The following GNAS-AS1 variants were observed in gnomAD, a reference collection of about 807,000 sequenced individuals.
GNAS-AS1 encodes GNAS antisense RNA 1 (non-protein coding).
chr20:58,825,957 C>A, intron 4 of GNAS-AS1: 1 of 397,518 alleles, frequency 2.5e-6, no homozygotes, highest in South Asian at 1.3e-4. Flanking sequence ...GTCTCTCAAT[C>A]AGCAGCCCCA....
In GNAS-AS1 at chr20:58,840,453, A is replaced by G; in HGVS notation, n.819+1484T>C. On this transcript the variant is annotated intron_variant and non_coding_transcript_variant, in intron 4 of 4. Transcript: ENST00000424094. This position sits in a 1 kb window ranked among gnomAD's most constrained non-coding sequence, Gnocchi z 6.0. ...GACTACGAGACCGAGAGCGAGACCG[A>G]GTCCGAAATCGAGTCCGAGACCGAC... 1 of 1,613,450 alleles carries G rather than the reference A, an allele frequency of 6.2e-7. No individual in the cohort carries two copies. Among genetic ancestry groups the G allele is most frequent in the African/African-American group, 1.3e-5 (1 of 75,036 alleles).
At chr20:58,829,071 C>G (rs995084810) in intron 4 of GNAS-AS1, among the ~76,000 whole-genome samples, 1 of 152,196 alleles carries the variant, frequency 6.6e-6, no homozygotes, top group Non-Finnish European at 1.5e-5. Context: ...CCCCACCACC[C>G]CACTCAACAT....
chr20:58,830,824 T>A (rs1600646652), intron 4 of GNAS-AS1, among the ~76,000 whole-genome samples: 1 of 151,708 alleles, frequency 6.6e-6, no homozygotes, highest in African/African-American at 2.4e-5. Flanking sequence ...TGATCCCAAA[T>A]CTGGCTTCTG....
At chr20:58,826,863 C>CTTTGTTTTTTTTTTTTTT (rs2085524123) in intron 4 of GNAS-AS1, 1 of 85,756 alleles carries the variant, frequency 1.2e-5, no homozygotes, top group Non-Finnish European at 2.2e-5. Flanking sequence ...CCATGCCTGG[C>CTTTGTTTTTTTTTTTTTT]TTTTTTTTTT....
At chr20:58,845,617 A>C (rs2085914870) in intron 2 of GNAS-AS1, among the ~76,000 whole-genome samples, 1 of 151,778 alleles carries the variant, frequency 6.6e-6, no homozygotes, top group African/African-American at 2.4e-5. Context: ...CTTACATATC[A>C]AAAGGCCATA....
chr20:58,848,855 G>C, intron 2 of GNAS-AS1: 1 of 398,484 alleles, frequency 2.5e-6, no homozygotes, highest in Non-Finnish European at 4.4e-6. Context: ...CATTACTGAT[G>C]TTTCAGCTCT....
At chr20:58,825,751 C>A (rs1351629235) in intron 4 of GNAS-AS1, among the ~76,000 whole-genome samples, 2 of 152,160 alleles carry the variant, frequency 1.3e-5, no homozygotes, top group Non-Finnish European at 2.9e-5. Context: ...GTAGTCTCTG[C>A]CAACAAAGGC....
chr20:58,836,773 T>C (rs1011379177), intron 4 of GNAS-AS1, among the ~76,000 whole-genome samples: 1 of 152,206 alleles, frequency 6.6e-6, no homozygotes, highest in Non-Finnish European at 1.5e-5. Context: ...GGCATCTCAG[T>C]GCAGTCCCCC....
chr20:58,843,464 C>A lies in GNAS-AS1; in HGVS notation n.414-919G>T. 1.3e-5 allele frequency: 2 copies of A among 152,440 alleles called. 1 individual carries two copies. Among genetic ancestry groups the A allele is most frequent in the Non-Finnish European group, 2.9e-5 (2 of 68,140 alleles). The allele number at this position is 152,440 out of a possible 1,614,324, so 9.4% of individuals were successfully genotyped here. A position where few individuals can be genotyped will look rare whatever the true frequency, so the allele number is the denominator to read the frequency against. On this transcript the variant is annotated intron_variant and non_coding_transcript_variant, in intron 2 of 4. Transcript: ENST00000424094. ...AACTTCCCCAAGCATTCCCAACTCA[C>A]TAGTCTCCCAGCTGGCCCTTTGCCC...
chr20:58,824,159 G>T (rs746151480), intron 4 of GNAS-AS1: 2 of 398,456 alleles, frequency 5.0e-6, no homozygotes, highest in Admixed American at 8.8e-5. Flanking sequence ...GTCCAAAACT[G>T]CCAGGGGTGA....
At chr20:58,823,279 G>A (rs537724519) in intron 4 of GNAS-AS1, among the ~76,000 whole-genome samples, 10 of 152,278 alleles carry the variant, frequency 6.6e-5, no homozygotes, top group East Asian at 1.9e-4. Context: ...ATGCCTGTGC[G>A]TCCAATAAAA....
chr20:58,850,805 C>G (rs1043785163), exon 1 of GNAS-AS1: 11 of 398,728 alleles, frequency 2.8e-5, no homozygotes, highest in African/African-American at 2.3e-4. Flanking sequence ...GCTAGCGGTC[C>G]TCGTGGTCTT....
At chr20:58,834,199 G>C (rs1359218349) in intron 4 of GNAS-AS1, 1 of 152,238 alleles carries the variant, frequency 6.6e-6, no homozygotes, top group Non-Finnish European at 1.5e-5. Flanking sequence ...AGGGCTAGGG[G>C]CTAGAGGAAA....
At chr20:58,850,488 C>T (rs1488826460) in intron 1 of GNAS-AS1, 1 of 398,274 alleles carries the variant, frequency 2.5e-6, no homozygotes, top group African/African-American at 2.1e-5. Flanking sequence ...TTGGAGCACC[C>T]ATGGCAGCCT....
chr20:58,826,863 C>CTTTTTTTTTTTTTTTTTTT (rs57146714), intron 4 of GNAS-AS1: 15 of 85,746 alleles, frequency 1.7e-4, no homozygotes, highest in South Asian at 4.7e-4. Context: ...CCATGCCTGG[C>CTTTTTTTTTTTTTTTTTTT]TTTTTTTTTT....
intron 2 of GNAS-AS1, among the ~76,000 whole-genome samples, chr20:58,846,871 T>C (rs1220600445): frequency 6.6e-6 from 1 of 152,202 alleles, no homozygotes; most frequent in Non-Finnish European, 1.5e-5. Flanking sequence ...TTGCAGAAAT[T>C]TTAAGCAGAG....
intron 4 of GNAS-AS1, among the ~76,000 whole-genome samples, chr20:58,825,612 G>A (rs2085514341): frequency 6.6e-6 from 1 of 152,224 alleles, no homozygotes; most frequent in South Asian, 2.1e-4. Flanking sequence ...TTCAGTATTG[G>A]AATATGGCAA....
Position 58,841,586 on chromosome 20 carries a change from G to A in GNAS-AS1, n.819+351C>T. 14 of 1,014,700 alleles carry A rather than the reference G, an allele frequency of 1.4e-5. No individual in the cohort carries two copies. Among genetic ancestry groups the A allele is most frequent in the Non-Finnish European group, 1.5e-5 (13 of 849,784 alleles). 62.9% of individuals were successfully genotyped at this position (1,014,700 alleles called of 1,614,324 possible). Reference sequence around the variant, plus strand: ...CGCCTCCCGTCGCTCGCGGGACAGAGACCGCCTCAAAGAGCGTGCGCACCT... The same window carrying A: ...CGCCTCCCGTCGCTCGCGGGACAGAAACCGCCTCAAAGAGCGTGCGCACCT... On this transcript the variant is annotated intron_variant and non_coding_transcript_variant, in intron 4 of 4. Coordinates refer to ENST00000424094, the Ensembl canonical transcript of GNAS-AS1. The surrounding 1 kb of genome is among the most constrained non-coding windows in gnomAD (Gnocchi z 5.0).
intron 2 of GNAS-AS1, among the ~76,000 whole-genome samples, chr20:58,847,115 C>A (rs559114380): frequency 6.6e-6 from 1 of 152,352 alleles, no homozygotes; most frequent in Non-Finnish European, 1.5e-5. Flanking sequence ...TTGGCTGAAA[C>A]AGAATTTGGG....
Sources: gnomAD v4.1 joint callset for allele counts (sites outside exome capture counted in the v4.1 genomes callset) on GRCh38, gnomAD v4.1.1 for gene constraint, Gnocchi (gnomAD v3.1) non-coding constraint, MANE v1.5 for transcripts, NCBI Gene and HGNC (gene_info 2026-07-23, HGNC 2026-07-21) for gene names.